CA10: variants seen among roughly 807,000 people sequenced by gnomAD.
The protein encoded by CA10 is carbonic anhydrase-related protein 10.
A neutral mutation model predicts 44.2 loss-of-function variants in CA10; 14 were observed. The ratio of observed to expected loss-of-function variants is 0.32; its 90% confidence interval spans 0.21 to 0.50. CA10 has a LOEUF of 0.50. Ranked by LOEUF, CA10 falls within the 20% of genes least tolerant of loss-of-function variation. The probability of loss-of-function intolerance (pLI) is 0.99; values close to 1 mark genes in which losing one functional copy is unlikely to be tolerated. For synonymous variants in CA10, 159 were observed against 141.6 expected (o/e 1.12, Z -0.87); for missense variants, 350 against 409.7 (o/e 0.85, Z 1.26).
intron 2 of CA10, among the ~76,000 whole-genome samples, chr17:51,991,505 T>A (rs573060731): frequency 6.6e-6 from 1 of 152,248 alleles, no homozygotes; most frequent in Admixed American, 6.5e-5. Flanking sequence ...AATAAACAGG[T>A]GCTTAATAAA....
chr17:51,807,198 CATGGTG>C (rs1287979140), intron 3 of CA10, among the ~76,000 whole-genome samples: 10 of 152,270 alleles, frequency 6.6e-5, no homozygotes, highest in Admixed American at 2.6e-4. Context: ...GGAGGCACAC[CATGGTG>C]AACGCTTCTG....
intron 2 of CA10, among the ~76,000 whole-genome samples, chr17:52,066,532 C>T (rs1056720974): frequency 2.0e-5 from 3 of 152,118 alleles, no homozygotes; most frequent in African/African-American, 2.4e-5. Flanking sequence ...GTTTTATAGA[C>T]GGGAGTTCCT....
rs548293589 is a variant in CA10, at chr17:51,982,798, T to C, written c.137-51666A>G. 5.9e-5 allele frequency among the ~76,000 whole-genome samples: 9 copies of C among 152,034 alleles called. No individual in the cohort carries two copies. The East Asian group carries it at 1.4e-3, about 23-fold the overall frequency. ...TCTTTTTTACAGGACTAGGAGCTCATTGAGGGCAGGTATTTTGTAATATTA... is the reference window on the plus strand; with the variant it reads ...TCTTTTTTACAGGACTAGGAGCTCACTGAGGGCAGGTATTTTGTAATATTA... On this transcript the variant is annotated intron_variant, in intron 2 of 8. Coordinates refer to ENST00000451037, the MANE Select transcript of CA10 (RefSeq NM_020178.5).
rs75820981 is a variant in CA10 at position 51,830,439 on chromosome 17, A to C, written c.280-82621T>G. Reference sequence around the variant, plus strand: ...TATTGGACTTAAAAAAAAAACAAACAATTTCTGAGATCCATTCCAGCCTTA... The same window carrying C: ...TATTGGACTTAAAAAAAAAACAAACCATTTCTGAGATCCATTCCAGCCTTA... On this transcript the variant is annotated intron_variant, in intron 3 of 8. Coordinates refer to ENST00000451037, the MANE Select transcript of CA10 (RefSeq NM_020178.5). 9.5e-3 allele frequency among the ~76,000 whole-genome samples: 1,450 copies of C among 152,044 alleles called. 13 individuals are homozygous for C. The highest frequency in any genetic ancestry group is 0.016 in the Non-Finnish European group (1,121 of 67,974).
At chr17:51,956,905 C>G (rs1421495090) in intron 2 of CA10, among the ~76,000 whole-genome samples, 1 of 152,028 alleles carries the variant, frequency 6.6e-6, no homozygotes, top group Non-Finnish European at 1.5e-5. Context: ...CCAAGCTCTT[C>G]CCAGTCTCAA....
At chr17:51,652,523 T>C (rs1466106946) in intron 5 of CA10, among the ~76,000 whole-genome samples, 1 of 152,184 alleles carries the variant, frequency 6.6e-6, no homozygotes, top group Non-Finnish European at 1.5e-5. Context: ...TGGCCAGGGA[T>C]AGCAACATGC....
chr17:51,686,301 C>G (rs1915008168), intron 4 of CA10, among the ~76,000 whole-genome samples: 1 of 152,126 alleles, frequency 6.6e-6, no homozygotes, highest in East Asian at 1.9e-4. Context: ...TATAAATTAC[C>G]CAGTTACAGG....
chr17:51,830,034 T>C (rs1908174554), intron 3 of CA10, among the ~76,000 whole-genome samples: 1 of 151,580 alleles, frequency 6.6e-6, no homozygotes, highest in African/African-American at 2.4e-5. Context: ...CCATCTCTAC[T>C]AAAAATACAA....
intron 3 of CA10, among the ~76,000 whole-genome samples, chr17:51,822,824 G>A (rs1317091551): frequency 6.6e-6 from 1 of 152,156 alleles, no homozygotes; most frequent in Non-Finnish European, 1.5e-5. Flanking sequence ...GTATTTGATG[G>A]GGGGTCCAAA....
chr17:51,707,031 T>C (rs1347037120), intron 4 of CA10, among the ~76,000 whole-genome samples: 1 of 152,218 alleles, frequency 6.6e-6, no homozygotes, highest in African/African-American at 2.4e-5. Flanking sequence ...ATTTTACATA[T>C]TTGTCTATTA....
chr17:51,830,461 C>G (rs1908196378), intron 3 of CA10, among the ~76,000 whole-genome samples: 1 of 151,962 alleles, frequency 6.6e-6, no homozygotes, highest in Non-Finnish European at 1.5e-5. Context: ...CCATTCCAGC[C>G]TTACAATTCT....
chr17:51,891,873 C>T (rs1342391898), intron 3 of CA10, among the ~76,000 whole-genome samples: 1 of 152,140 alleles, frequency 6.6e-6, no homozygotes, highest in African/African-American at 2.4e-5. Context: ...AGGGCCAATC[C>T]CCTCCCAAGA....
intron 4 of CA10, among the ~76,000 whole-genome samples, chr17:51,719,875 G>A (rs752279527): frequency 3.9e-5 from 6 of 151,958 alleles, no homozygotes; most frequent in Non-Finnish European, 7.4e-5. Context: ...GCAGAGCCAG[G>A]GCCTGTCACA....
chr17:51,689,245 T>C (rs1915107507), intron 4 of CA10, among the ~76,000 whole-genome samples: 1 of 152,182 alleles, frequency 6.6e-6, no homozygotes, highest in East Asian at 1.9e-4. Context: ...TGCTGAGAAC[T>C]TTACAAAGCA....
intron 1 of CA10, among the ~76,000 whole-genome samples, chr17:52,153,767 C>A (rs1246347414): frequency 4.6e-5 from 7 of 152,136 alleles, no homozygotes. Context: ...CAAGCCTATA[C>A]AATGTCAGAT....
At chr17:51,657,347 T>C (rs1913833761) in intron 4 of CA10, among the ~76,000 whole-genome samples, 1 of 152,228 alleles carries the variant, frequency 6.6e-6, no homozygotes, top group African/African-American at 2.4e-5. Context: ...GCTTCCTTTC[T>C]ACTGCCTTCC....
At chr17:52,049,518 C>A (rs1481439909) in intron 2 of CA10, among the ~76,000 whole-genome samples, 1 of 152,116 alleles carries the variant, frequency 6.6e-6, no homozygotes, top group Non-Finnish European at 1.5e-5. Flanking sequence ...TTCACATAGT[C>A]CTATATTAAT....
At chr17:51,772,605 T>C (rs1252524859) in intron 3 of CA10, among the ~76,000 whole-genome samples, 2 of 151,052 alleles carry the variant, frequency 1.3e-5, no homozygotes, top group South Asian at 2.1e-4. Flanking sequence ...CAGGTTAAAA[T>C]GAGGGAAGGC....
chr17:52,106,692 G>T (rs1054902040), intron 1 of CA10, among the ~76,000 whole-genome samples: 1 of 152,106 alleles, frequency 6.6e-6, no homozygotes, highest in African/African-American at 2.4e-5. Flanking sequence ...AGTAGATAAA[G>T]AAAAATTGGT....
Sources: allele counts gnomAD v4.1 joint callset (sites outside exome capture counted in the v4.1 genomes callset), GRCh38; gene constraint gnomAD v4.1.1; transcripts MANE v1.5; gene names NCBI Gene and HGNC (gene_info 2026-07-23, HGNC 2026-07-21).